PRRC2B: variants seen among roughly 807,000 people sequenced by gnomAD.
PRRC2B encodes the protein proline rich coiled-coil 2B, also known as protein PRRC2B.
PRRC2B carries 68 observed loss-of-function variants against 242.3 expected under a neutral mutation model. The observed-to-expected ratio is 0.28, with a 90% CI of 0.23 to 0.34. PRRC2B has a LOEUF of 0.34. Among genes scored for constraint, PRRC2B ranks in the 10% least tolerant of loss-of-function variants. PRRC2B has a pLI of 1.00. For synonymous variants in PRRC2B, 1,228 were observed against 1,173.6 expected (o/e 1.05, Z -0.95); for missense variants, 2,835 against 2,954.8 (o/e 0.96, Z 0.94).
intron 5 of PRRC2B, among the ~76,000 whole-genome samples, chr9:131,442,130 G>C (rs530691579): frequency 2.0e-5 from 3 of 151,088 alleles, no homozygotes; most frequent in Non-Finnish European, 4.4e-5. Flanking sequence ...CTTTTTTTTT[G>C]TTTGTTTGTT....
At chr9:131,489,818 C>G (rs541520818) in intron 28 of PRRC2B, among the ~76,000 whole-genome samples, 1 of 152,136 alleles carries the variant, frequency 6.6e-6, no homozygotes, top group Non-Finnish European at 1.5e-5. Context: ...AGTACACAGA[C>G]GAGCTGCAGT....
chr9:131,477,976 A>G (rs1026701145), intron 17 of PRRC2B, 27 bp downstream of exon 17: 1 of 1,603,116 alleles, frequency 6.2e-7, no homozygotes, highest in African/African-American at 1.3e-5. Flanking sequence ...TCTTCAGGGG[A>G]AAGAACTCAG....
At chr9:131,456,403 G>T (rs1178205900) in intron 10 of PRRC2B, among the ~76,000 whole-genome samples, 1 of 151,908 alleles carries the variant, frequency 6.6e-6, no homozygotes, top group Non-Finnish European at 1.5e-5. Flanking sequence ...AGGCCAAGGC[G>T]GGCGGATCAC....
At chr9:131,440,452 A>C (rs1259539344) in intron 5 of PRRC2B, among the ~76,000 whole-genome samples, 1 of 152,174 alleles carries the variant, frequency 6.6e-6, no homozygotes, top group Non-Finnish European at 1.5e-5. Context: ...AAAAAGAACT[A>C]CAAAAATTAA....
In PRRC2B at chr9:131,494,726, C is replaced by T. The variant is rs771959156; in HGVS notation, c.6555+240C>T. ...TGCAGAGAAGGGAGGATGCTGATTC[C>T]TCTGAGGAGGTGGTGCTGGAAGGTG... On this transcript the variant is annotated intron_variant, in intron 31 of 31. Coordinates refer to ENST00000683519, the MANE Select transcript of PRRC2B (RefSeq NM_013318.4). The surrounding 1 kb of genome is among the most constrained non-coding windows in gnomAD (Gnocchi z 4.3). Among the ~76,000 whole-genome samples the T allele has an allele frequency of 6.6e-6, 1 of 152,144 alleles. No individual in the cohort carries two copies. Among genetic ancestry groups the T allele is most frequent in the Non-Finnish European group, 1.5e-5 (1 of 68,024 alleles).
rs540569664 is a variant in PRRC2B, at chr9:131,482,425, C to T, written c.5038C>T (p.Arg1680Trp). The T allele has an allele frequency of 1.4e-5, 22 of 1,602,806 alleles. No individual in the cohort carries two copies. The highest frequency in any genetic ancestry group is 9.9e-5 in the South Asian group (9 of 90,750). ...DSGVDLSAES[R>W]ESSATSSQRS... is the part of the protein sequence containing the mutation. ...TGGCGTTGACTTGAGTGCCGAGTCT[C>T]GGGAGTCGTCTGCGACCTCCTCGCA... The change falls in exon 21 of 32, where the codon CGG (arginine) becomes TGG (tryptophan). Residue 1680 changes from arginine to tryptophan, a missense_variant. Around this residue, in one of 7 missense-constraint regions of PRRC2B, gnomAD observed 38 missense variants for 73.3 expected, o/e 0.52. Transcript: ENST00000683519. The surrounding 1 kb of genome is among the most constrained non-coding windows in gnomAD (Gnocchi z 5.2).
intron 1 of PRRC2B, among the ~76,000 whole-genome samples, chr9:131,382,496 C>A (rs947807741): frequency 6.6e-6 from 1 of 152,092 alleles, no homozygotes; most frequent in African/African-American, 2.4e-5. Context: ...TTGAGCCCCT[C>A]GGAGACTTGC....
At position 131,495,829 on chromosome 9, in the gene PRRC2B, AGCGATCAAGCCTCGG is replaced by A. The variant is rs1158191325; in HGVS notation, c.6648_6662del (p.Ile2217_Ala2221del). On this transcript the variant is annotated inframe_deletion, in exon 32 of 32. Coordinates refer to ENST00000683519, the MANE Select transcript of PRRC2B (RefSeq NM_013318.4). ...CTGCCTCCCAGATGAAGCGAACCGGAGCGATCAAGCCTCGGGCTGTCAAAGTGGAGGAGAGTAAGG... is the reference window on the plus strand; with the variant it reads ...CTGCCTCCCAGATGAAGCGAACCGGAGCTGTCAAAGTGGAGGAGAGTAAGG... 1 of 1,612,678 alleles carries A rather than the reference AGCGATCAAGCCTCGG, an allele frequency of 6.2e-7. No homozygotes were observed.
At chr9:131,434,795 G>A (rs937237929) in intron 3 of PRRC2B, among the ~76,000 whole-genome samples, 1 of 152,166 alleles carries the variant, frequency 6.6e-6, no homozygotes, top group African/African-American at 2.4e-5. Context: ...TGACCGGAGC[G>A]CTGAGTTAGA....
intron 28 of PRRC2B, among the ~76,000 whole-genome samples, chr9:131,490,178 C>T (rs564077433): frequency 5.9e-5 from 9 of 151,788 alleles, no homozygotes; most frequent in East Asian, 3.9e-4. Flanking sequence ...ATTTTCCTCC[C>T]GGTCCTTCTG....
At chr9:131,451,674 A>C (rs978376493) in intron 9 of PRRC2B, among the ~76,000 whole-genome samples, 2 of 151,908 alleles carry the variant, frequency 1.3e-5, no homozygotes, top group African/African-American at 4.8e-5. Context: ...TTCATGTGTC[A>C]GCATGAAGTG....
In PRRC2B at chr9:131,483,446, G is replaced by A. The variant is rs765092542; in HGVS notation, c.5460+1G>A. 6.2e-7 allele frequency: 1 copy of A among 1,613,538 alleles called. No homozygotes were observed. ...ACTTCAGGATGCCTTGGCCAGTAAT[G>A]TAAGTCCACACTTCCACTTTTGGCT... On this transcript the variant is annotated splice_donor_variant, in intron 23 of 31. Transcript: ENST00000683519. LOFTEE classifies it high-confidence loss of function.
chr9:131,403,212 G>A (rs1189578881), intron 1 of PRRC2B, among the ~76,000 whole-genome samples: 3 of 152,158 alleles, frequency 2.0e-5, no homozygotes, highest in Admixed American at 6.5e-5. Flanking sequence ...ACCTGTCGGT[G>A]GACTGAATGG....
chr9:131,458,299 T>C (rs531248357), intron 10 of PRRC2B, among the ~76,000 whole-genome samples: 1 of 152,216 alleles, frequency 6.6e-6, no homozygotes, highest in African/African-American at 2.4e-5. Context: ...TTCAAATCTG[T>C]GAGCTCCTCC....
intron 1 of PRRC2B, among the ~76,000 whole-genome samples, chr9:131,416,114 CTT>C (rs562809102): frequency 6.9e-6 from 1 of 145,222 alleles, no homozygotes; most frequent in Non-Finnish European, 1.5e-5. Flanking sequence ...TCTTTTCTTT[CTT>C]TTTTTTTTTT....
intron 1 of PRRC2B, among the ~76,000 whole-genome samples, chr9:131,420,478 T>TCTC (rs1564278567): frequency 6.4e-5 from 1 of 15,682 alleles, no homozygotes; most frequent in African/African-American, 1.2e-4. Context: ...TCTTTCTTTC[T>TCTC]TTCTTTCTTT....
At chr9:131,388,200 A>AAT (rs1181235901) in intron 1 of PRRC2B, among the ~76,000 whole-genome samples, 2 of 149,068 alleles carry the variant, frequency 1.3e-5, no homozygotes, top group African/African-American at 4.9e-5. Flanking sequence ...AAAAAAAAAA[A>AAT]ATCATTATTA....
intron 23 of PRRC2B, among the ~76,000 whole-genome samples, chr9:131,483,676 T>C (rs1943935726): frequency 6.6e-6 from 1 of 152,196 alleles, no homozygotes; most frequent in African/African-American, 2.4e-5. Flanking sequence ...TTGGTTCCAT[T>C]GTCTCCTCTG....
In PRRC2B at chr9:131,482,269, C is replaced by A; in HGVS notation, c.4984-102C>A. The A allele has an allele frequency of 7.7e-7, 1 of 1,302,212 alleles. No homozygotes were observed. Among genetic ancestry groups the A allele is most frequent in the Non-Finnish European group, 1.1e-6 (1 of 941,422 alleles). 80.7% of individuals were successfully genotyped at this position (1,302,212 alleles called of 1,614,324 possible). A position where few individuals can be genotyped will look rare whatever the true frequency, so the allele number is the denominator to read the frequency against. ...GATCAGGACCAGACTTGGCAAGGGACAGGCAGCTGGGGTAGAAAAGTCTCT... is the reference window on the plus strand; with the variant it reads ...GATCAGGACCAGACTTGGCAAGGGAAAGGCAGCTGGGGTAGAAAAGTCTCT... On this transcript the variant is annotated intron_variant, in intron 20 of 31. Coordinates refer to ENST00000683519, the MANE Select transcript of PRRC2B (RefSeq NM_013318.4). This position sits in a 1 kb window ranked among gnomAD's most constrained non-coding sequence, Gnocchi z 5.2.
Sources: gnomAD v4.1 joint callset for allele counts (sites outside exome capture counted in the v4.1 genomes callset) on GRCh38, gnomAD v4.1.1 for gene constraint, gnomAD v4.1.1 regional missense constraint, Gnocchi (gnomAD v3.1) non-coding constraint, MANE v1.5 for transcripts, NCBI Gene and HGNC (gene_info 2026-07-23, HGNC 2026-07-21) for gene names.